Variants in OTOA observed in about 807,000 individuals in gnomAD.
OTOA encodes cancer/testis antigen 108.
A neutral mutation model predicts 110.8 loss-of-function variants in OTOA; 70 were observed. That is an observed-to-expected ratio of 0.63 (90% CI 0.52 to 0.77). OTOA has a LOEUF of 0.77. Among genes scored for constraint, OTOA ranks in the 30% least tolerant of loss-of-function variants. The probability of loss-of-function intolerance (pLI) is 0.00; values close to 1 mark genes in which losing one functional copy is unlikely to be tolerated. For missense variants in OTOA, 917 were observed against 1,075.8 expected (o/e 0.85, Z 2.06); for synonymous variants, 373 against 431.5 (o/e 0.86, Z 1.68).
intron 8 of OTOA, among the ~76,000 whole-genome samples, chr16:21,690,345 C>T (rs1289626505): frequency 6.6e-6 from 1 of 151,910 alleles, no homozygotes; most frequent in African/African-American, 2.4e-5. Flanking sequence ...CTCCCTCCCC[C>T]ACCCCACCCC....
Position 21,726,638 on chromosome 16 carries a change from A to C in OTOA, c.1996A>C (p.Arg666=), listed in dbSNP as rs1898927806. Residue 666 remains arginine (R), a synonymous_variant, in exon 19 of 29, where the codon AGG becomes CGG. Coordinates refer to ENST00000646100, the MANE Select transcript of OTOA (RefSeq NM_144672.4). ...TTCCCACAAAAAGACTTCAGTCCTC[A>C]GGAAAGTGCAGCAGTGCCTGGTAAG... The part of the protein sequence containing the change: ...LDSHKKTSVL[R]KVQQCLDDSI... The C allele has an allele frequency of 6.2e-7, 1 of 1,613,968 alleles. No individual in the cohort carries two copies. The highest frequency in any genetic ancestry group is 1.3e-5 in the African/African-American group (1 of 74,922).
chr16:21,714,014 G>A (rs1431303252), intron 13 of OTOA, among the ~76,000 whole-genome samples: 1 of 152,064 alleles, frequency 6.6e-6, no homozygotes, highest in Non-Finnish European at 1.5e-5. Context: ...TTACTCAGAA[G>A]GCAAGAGGTC....
chr16:21,723,150 C>T (rs1463361950), intron 18 of OTOA, among the ~76,000 whole-genome samples, 172 bp downstream of exon 18: 2 of 152,176 alleles, frequency 1.3e-5, no homozygotes, highest in African/African-American at 2.4e-5. Flanking sequence ...GAGTATCACA[C>T]AGACATTTGA....
chr16:21,726,914 C>T (rs539411852), intron 19 of OTOA, among the ~76,000 whole-genome samples: 1 of 152,122 alleles, frequency 6.6e-6, no homozygotes, highest in African/African-American at 2.4e-5. Flanking sequence ...AGACTGGGTG[C>T]CAGTGATTGG....
chr16:21,731,856 C>G (rs1412900131), intron 21 of OTOA, among the ~76,000 whole-genome samples: 1 of 152,214 alleles, frequency 6.6e-6, no homozygotes, highest in Non-Finnish European at 1.5e-5. Flanking sequence ...CACAACTTCA[C>G]CTAGGATCAC....
Position 21,684,567 on chromosome 16 carries a change from G to T in OTOA, c.268-663G>T, listed in dbSNP as rs1567366001. 1.9e-6 allele frequency: 3 copies of T among 1,539,686 alleles called. No individual in the cohort carries two copies. The East Asian group carries it at 7.4e-5, about 38-fold the overall frequency. ...ACAGGGACCAGGCAGGCCATGGAAT[G>T]GGGGAATCGGGCTGGCTGGGCCTGA... On this transcript the variant is annotated intron_variant, in intron 6 of 28. Coordinates refer to ENST00000646100, the MANE Select transcript of OTOA (RefSeq NM_144672.4).
chr16:21,758,129 C>T (rs1900053231), intron 28 of OTOA, among the ~76,000 whole-genome samples: 1 of 151,810 alleles, frequency 6.6e-6, no homozygotes, highest in African/African-American at 2.4e-5. Context: ...GCATTGGATC[C>T]TGGGAACATG....
chr16:21,688,426 A>C lies in OTOA; in HGVS notation c.635+778A>C, dbSNP rs143124005. ...AAACAAACAAAAAACAAAAACAAAA[A>C]AACCCACATAAATAAATACAGTGGG... On this transcript the variant is annotated intron_variant, in intron 8 of 28. Coordinates refer to ENST00000646100, the MANE Select transcript of OTOA (RefSeq NM_144672.4). 1.1e-4 allele frequency among the ~76,000 whole-genome samples: 17 copies of C among 152,204 alleles called. No individual in the cohort carries two copies. The East Asian group carries it at 3.3e-3, about 29-fold the overall frequency.
chr16:21,677,655 T>C (rs1285740970), intron 1 of OTOA, among the ~76,000 whole-genome samples: 1 of 151,708 alleles, frequency 6.6e-6, no homozygotes, highest in Non-Finnish European at 1.5e-5. Context: ...CTAATTTTTT[T>C]GTATTTTTAT....
chr16:21,731,149 C>G lies in OTOA; in HGVS notation c.2301+219C>G, dbSNP rs576144204. Reference sequence around the variant, plus strand: ...TGAACTCAGGCCCTTTTGTGTGGCCCCCCAGGCAGATGTGTGCAGACAGAT... The same window carrying G: ...TGAACTCAGGCCCTTTTGTGTGGCCGCCCAGGCAGATGTGTGCAGACAGAT... On this transcript the variant is annotated intron_variant, in intron 21 of 28. Transcript: ENST00000646100. Among the ~76,000 whole-genome samples the G allele has an allele frequency of 3.6e-3, 550 of 152,148 alleles. 4 individuals carry two copies. Among genetic ancestry groups the G allele is most frequent in the African/African-American group, 0.012 (517 of 41,506 alleles).
chr16:21,695,891 A>ATATATATATT (rs569493650), intron 9 of OTOA, among the ~76,000 whole-genome samples: 58 of 41,896 alleles, frequency 1.4e-3, no homozygotes, highest in African/African-American at 2.5e-3. Flanking sequence ...ATATATATAT[A>ATATATATATT]TTTTTTTTTT....
intron 12 of OTOA, among the ~76,000 whole-genome samples, chr16:21,707,645 C>CTTTA: frequency 9.6e-6 from 1 of 104,194 alleles, no homozygotes; most frequent in Non-Finnish European, 2.2e-5. Flanking sequence ...TTCTTTCTTT[C>CTTTA]TTTCTTTCTT....
chr16:21,718,039 C>G (rs1468132930), intron 15 of OTOA, among the ~76,000 whole-genome samples: 2 of 152,170 alleles, frequency 1.3e-5, no homozygotes, highest in Non-Finnish European at 2.9e-5. Context: ...TCACTGTAAC[C>G]TCCTCCTCCT....
chr16:21,681,748 T>C lies in OTOA; in HGVS notation c.190T>C (p.Trp64Arg). Residue 64 changes from tryptophan (W) to arginine (R), a missense_variant, in exon 6 of 29, where the codon TGG becomes CGG. Physicochemically the swap from Trp to Arg is moderately radical, Grantham distance 101 (BLOSUM62 -3). Transcript: ENST00000646100. ...TGTCTTCAACTGAAGCTCCCACGTG[T>C]GGACGGATGACCTGTCCCACAGAGT... ...DLIQFQSSHV[W>R]TDDLSHRVLA... The C allele has an allele frequency of 6.2e-7, 1 of 1,613,860 alleles. No homozygotes were observed. The highest frequency in any genetic ancestry group is 8.5e-7 in the Non-Finnish European group (1 of 1,179,788).
chr16:21,711,763 G>A (rs557383650), intron 13 of OTOA, among the ~76,000 whole-genome samples: 32 of 152,200 alleles, frequency 2.1e-4, no homozygotes, highest in Non-Finnish European at 3.5e-4. Context: ...CACCGTGCCT[G>A]GCTTTTGGTG....
intron 1 of OTOA, among the ~76,000 whole-genome samples, chr16:21,673,818 C>T (rs1322637368): frequency 6.6e-6 from 1 of 152,140 alleles, no homozygotes; most frequent in African/African-American, 2.4e-5. Flanking sequence ...GAGTTGGAGT[C>T]TCACACTGTC....
intron 13 of OTOA, among the ~76,000 whole-genome samples, chr16:21,711,217 T>G (rs1414787885): frequency 6.6e-6 from 1 of 152,154 alleles, no homozygotes; most frequent in Non-Finnish European, 1.5e-5. Flanking sequence ...ATTAGGTTGA[T>G]GCAAAAAGTA....
intron 14 of OTOA, among the ~76,000 whole-genome samples, chr16:21,715,415 G>C (rs1186418398): frequency 6.6e-6 from 1 of 151,496 alleles, no homozygotes; most frequent in Admixed American, 6.6e-5. Flanking sequence ...CAGGTTTCCT[G>C]ATCTTATAAC....
At position 21,697,811 on chromosome 16, in the gene OTOA, G is replaced by C. The variant is rs749831041; in HGVS notation, c.776G>C (p.Trp259Ser). 6.2e-7 allele frequency: 1 copy of C among 1,614,044 alleles called. No individual in the cohort carries two copies. The highest frequency in any genetic ancestry group is 1.3e-5 in the African/African-American group (1 of 74,986). The part of the protein sequence containing the change: ...SASWVSAEHL[W>S]VLGRYMVHLS... Reference sequence around the variant, plus strand: ...TCATGGGTCAGTGCGGAACACTTATGGGTTTTGGGCAGATACATGGTTCAC... The same window carrying C: ...TCATGGGTCAGTGCGGAACACTTATCGGTTTTGGGCAGATACATGGTTCAC... The change falls in exon 10 of 29, where the codon TGG becomes TCG. Residue 259 changes from tryptophan to serine, a missense_variant. Transcript: ENST00000646100.
Sources: gnomAD v4.1 joint callset for allele counts (sites outside exome capture counted in the v4.1 genomes callset) on GRCh38, gnomAD v4.1.1 for gene constraint, MANE v1.5 for transcripts, NCBI Gene and HGNC (gene_info 2026-07-23, HGNC 2026-07-21) for gene names.